LRP1B: variants seen among roughly 807,000 people sequenced by gnomAD.
LRP1B encodes LDL receptor related protein 1B.
A neutral mutation model predicts 556.6 loss-of-function variants in LRP1B; 217 were observed. The ratio of observed to expected loss-of-function variants is 0.39; its 90% confidence interval spans 0.35 to 0.44. LRP1B has a LOEUF of 0.44. Among genes scored for constraint, LRP1B ranks in the 20% least tolerant of loss-of-function variants. LRP1B has a pLI of 1.00. For synonymous variants in LRP1B, 2,047 were observed against 1,865.8 expected, an observed-to-expected ratio of 1.10 and a Z score of -2.50; for missense variants, 5,053 against 5,620.8, an observed-to-expected ratio of 0.90 and a Z score of 3.23.
chr2:141,482,251 T>G (rs1270788781), intron 2 of LRP1B, among the ~76,000 whole-genome samples: 1 of 152,178 alleles, frequency 6.6e-6, no homozygotes, highest in Non-Finnish European at 1.5e-5. Context: ...ATTATTTTGT[T>G]GGATGCTAAA....
chr2:141,623,286 CAG>C (rs1287833715), intron 2 of LRP1B, among the ~76,000 whole-genome samples: 1 of 152,052 alleles, frequency 6.6e-6, no homozygotes, highest in Non-Finnish European at 1.5e-5. Flanking sequence ...AAATAAATTG[CAG>C]AGTTTTGCCA....
chr2:140,800,442 G>A (rs955805182), intron 32 of LRP1B, among the ~76,000 whole-genome samples: 1 of 152,114 alleles, frequency 6.6e-6, no homozygotes, highest in African/African-American at 2.4e-5. Context: ...CTATGTAACT[G>A]AGCAGTTAAT....
At chr2:140,239,586 T>G (rs1407381356) in intron 87 of LRP1B, 54 bp from the exon 88 acceptor site, 7 of 1,173,690 alleles carry the variant, frequency 6.0e-6, no homozygotes, top group Non-Finnish European at 8.7e-6. Context: ...AAGTAAAAAT[T>G]GATAAAACTA....
intron 1 of LRP1B, among the ~76,000 whole-genome samples, chr2:141,888,493 C>A (rs1699190227): frequency 6.6e-6 from 1 of 152,112 alleles, no homozygotes; most frequent in Non-Finnish European, 1.5e-5. Flanking sequence ...TTCACCAGGG[C>A]TAAATCTACT....
intron 4 of LRP1B, among the ~76,000 whole-genome samples, chr2:141,248,806 G>A (rs915852854): frequency 9.2e-5 from 14 of 152,156 alleles, no homozygotes; most frequent in Non-Finnish European, 2.1e-4. Flanking sequence ...GGTAAATGTG[G>A]AGAAAGGATC....
At chr2:142,056,078 G>A (rs1021810565) in intron 1 of LRP1B, among the ~76,000 whole-genome samples, 3 of 152,086 alleles carry the variant, frequency 2.0e-5, no homozygotes, top group South Asian at 4.2e-4. Flanking sequence ...ATGAACCCAG[G>A]AGGTGGAGGT....
chr2:141,079,322 CTTTTGAG>C (rs1699868519), intron 7 of LRP1B, among the ~76,000 whole-genome samples: 1 of 152,140 alleles, frequency 6.6e-6, no homozygotes, highest in Admixed American at 6.5e-5. Context: ...CAACACTGCA[CTTTTGAG>C]TTTCTACTGA....
At chr2:141,161,340 G>A (rs138302180) in intron 7 of LRP1B, among the ~76,000 whole-genome samples, 2 of 152,008 alleles carry the variant, frequency 1.3e-5, no homozygotes, top group African/African-American at 4.8e-5. Context: ...AACAAAAAAC[G>A]ATGAGCAAAA....
At chr2:141,887,727 A>G (rs1370389982) in intron 1 of LRP1B, among the ~76,000 whole-genome samples, 1 of 152,208 alleles carries the variant, frequency 6.6e-6, no homozygotes, top group African/African-American at 2.4e-5. Context: ...TGATTTCACT[A>G]AGAATTCTTG....
At chr2:140,647,595 AG>A (rs1559029729) in intron 41 of LRP1B, among the ~76,000 whole-genome samples, 1 of 152,212 alleles carries the variant, frequency 6.6e-6, no homozygotes. Context: ...ACTGGGCACA[AG>A]TCAGATGTGG....
intron 3 of LRP1B, among the ~76,000 whole-genome samples, chr2:141,448,731 T>C (rs1681295074): frequency 6.6e-6 from 1 of 152,168 alleles, no homozygotes; most frequent in African/African-American, 2.4e-5. Flanking sequence ...CTAAACCCAC[T>C]GTCTAACCAC....
intron 3 of LRP1B, among the ~76,000 whole-genome samples, chr2:141,310,370 C>A (rs768515648): frequency 8.6e-5 from 13 of 152,002 alleles, no homozygotes; most frequent in Non-Finnish European, 1.5e-4. Context: ...TGTCCCCTTG[C>A]AAAATAAAAA....
chr2:140,441,039 G>C (rs1686406824), intron 66 of LRP1B, among the ~76,000 whole-genome samples: 1 of 152,024 alleles, frequency 6.6e-6, no homozygotes, highest in South Asian at 2.1e-4. Flanking sequence ...GTAATAAAGA[G>C]ATTAAGTAAG....
In LRP1B at chr2:140,700,601, C is replaced by T. The variant is rs1372255159; in HGVS notation, c.6448G>A (p.Asp2150Asn). The part of the protein sequence containing the change: ...REKGTNVCAR[D>N]NGGCKQLCLY... ...CAGAGTTGCTTACAGCCACCATTGTCCCTGGCACAAACATTGGTCCCTAAT... is the reference window on the plus strand; with the variant it reads ...CAGAGTTGCTTACAGCCACCATTGTTCCTGGCACAAACATTGGTCCCTAAT... The change falls in exon 41 of 91, where the codon GAC becomes AAC. Residue 2150 changes from aspartate (D) to asparagine (N), a missense_variant. Around this residue, in one of 5 missense-constraint regions of LRP1B, gnomAD observed 3,619 missense variants for 3,931.9 expected, o/e 0.92. Coordinates refer to ENST00000389484, the MANE Select transcript of LRP1B (RefSeq NM_018557.3). 2 of 1,613,450 alleles carry T rather than the reference C, an allele frequency of 1.2e-6. No homozygotes were observed. Among genetic ancestry groups the T allele is most frequent in the South Asian group, 1.1e-5 (1 of 91,074 alleles).
chr2:141,938,777 T>A (rs907662317), intron 1 of LRP1B, among the ~76,000 whole-genome samples: 1 of 152,114 alleles, frequency 6.6e-6, no homozygotes, highest in Non-Finnish European at 1.5e-5. Context: ...TGTGTGTATA[T>A]GTGTATCTAT....
intron 17 of LRP1B, among the ~76,000 whole-genome samples, chr2:140,988,139 A>G (rs914816274): frequency 3.9e-5 from 6 of 152,046 alleles, no homozygotes; most frequent in African/African-American, 1.4e-4. Context: ...ATGACCTTGG[A>G]GACAAAACTC....
chr2:140,319,927 CTTAGCTCTCTGTTACAAAT>C (rs930641105), intron 82 of LRP1B, among the ~76,000 whole-genome samples: 2 of 152,146 alleles, frequency 1.3e-5, no homozygotes, highest in Admixed American at 1.3e-4. Context: ...ATGATTCACA[CTTAGCTCTCTGTTACAAAT>C]TTTCCAACCT....
intron 1 of LRP1B, among the ~76,000 whole-genome samples, chr2:141,890,378 G>GTACA (rs1699253212): frequency 8.0e-6 from 1 of 125,446 alleles, no homozygotes; most frequent in African/African-American, 3.8e-5. Flanking sequence ...TATATAGTGT[G>GTACA]TATACATATA....
chr2:141,960,139 C>A (rs547262006), intron 1 of LRP1B, among the ~76,000 whole-genome samples: 50 of 151,764 alleles, frequency 3.3e-4, no homozygotes, highest in Non-Finnish European at 6.2e-4. Context: ...GTGAGAGTAG[C>A]TGTGAGAGTA....
Sources: gnomAD v4.1 joint callset for allele counts (sites outside exome capture counted in the v4.1 genomes callset) on GRCh38, gnomAD v4.1.1 for gene constraint, gnomAD v4.1.1 regional missense constraint, MANE v1.5 for transcripts, NCBI Gene and HGNC (gene_info 2026-07-23, HGNC 2026-07-21) for gene names.